GPM6A: variants seen among roughly 807,000 people sequenced by gnomAD.
GPM6A encodes the protein neuronal membrane glycoprotein M6-a.
A neutral mutation model predicts 32.1 loss-of-function variants in GPM6A; 7 were observed. The ratio of observed to expected loss-of-function variants is 0.22; its 90% CI spans 0.12 to 0.41. The LOEUF (loss-of-function observed/expected upper bound fraction) is 0.41, where lower values mean the gene tolerates loss of function less well. Ranked by LOEUF, GPM6A falls within the 10% of genes least tolerant of loss-of-function variation. The probability of loss-of-function intolerance (pLI) is 1.00; values close to 1 mark genes in which losing one functional copy is unlikely to be tolerated. For synonymous variants in GPM6A, 130 were observed against 123.4 expected (o/e 1.05, Z -0.35); for missense variants, 235 against 347.2 (o/e 0.68, Z 2.57).
chr4:175,883,661 C>G (rs74762611), intron 1 of GPM6A, among the ~76,000 whole-genome samples: 55 of 152,018 alleles, frequency 3.6e-4, no homozygotes, highest in African/African-American at 1.3e-3. Context: ...CTTTAATATC[C>G]GCAATATTGA....
At chr4:175,928,512 C>A (rs1025775684) in intron 1 of GPM6A, among the ~76,000 whole-genome samples, 2 of 152,072 alleles carry the variant, frequency 1.3e-5, no homozygotes, top group Non-Finnish European at 2.9e-5. Flanking sequence ...ACTTCTCCAG[C>A]CAAAAATAAG....
chr4:175,700,047 G>A (rs1579399876), intron 2 of GPM6A, among the ~76,000 whole-genome samples: 2 of 151,856 alleles, frequency 1.3e-5, no homozygotes, highest in East Asian at 3.9e-4. Flanking sequence ...ATTTTTAGTA[G>A]AGACGGGATT....
At chr4:175,856,877 G>C (rs555297515) in intron 1 of GPM6A, among the ~76,000 whole-genome samples, 1 of 152,236 alleles carries the variant, frequency 6.6e-6, no homozygotes, top group South Asian at 2.1e-4. Context: ...TGGGAGGTCA[G>C]AGTGGTTTTG....
chr4:175,638,160 T>C (rs1740925325), intron 6 of GPM6A, among the ~76,000 whole-genome samples: 2 of 150,962 alleles, frequency 1.3e-5, no homozygotes, highest in African/African-American at 4.9e-5. Context: ...TCTTAAGAAA[T>C]ATTATTAATA....
At chr4:175,700,083 G>A (rs1321821660) in intron 2 of GPM6A, among the ~76,000 whole-genome samples, 1 of 151,600 alleles carries the variant, frequency 6.6e-6, no homozygotes, top group Non-Finnish European at 1.5e-5. Flanking sequence ...GGCTGGTCTC[G>A]AACTCCTGGC....
chr4:175,768,993 G>C (rs1174322524), intron 1 of GPM6A, among the ~76,000 whole-genome samples: 2 of 152,082 alleles, frequency 1.3e-5, no homozygotes, highest in African/African-American at 4.8e-5. Flanking sequence ...TATTCAGGAG[G>C]CTGAGGCAGG....
chr4:175,889,287 T>C (rs941893669), intron 1 of GPM6A, among the ~76,000 whole-genome samples: 6 of 152,120 alleles, frequency 3.9e-5, no homozygotes, highest in Non-Finnish European at 8.8e-5. Context: ...TTTGATCACA[T>C]GCAAGTTTAA....
intron 2 of GPM6A, among the ~76,000 whole-genome samples, chr4:175,677,225 T>C (rs1743421097): frequency 6.6e-6 from 1 of 152,174 alleles, no homozygotes; most frequent in Admixed American, 6.5e-5. Context: ...GAACACATTT[T>C]TGCTATGATA....
intron 1 of GPM6A, among the ~76,000 whole-genome samples, chr4:175,915,283 A>T (rs1386529946): frequency 7.2e-6 from 1 of 139,818 alleles, no homozygotes. Flanking sequence ...CCTTAATTAA[A>T]AAGGATTTTT....
At chr4:175,921,462 T>C (rs187128078) in intron 1 of GPM6A, among the ~76,000 whole-genome samples, 1 of 152,052 alleles carries the variant, frequency 6.6e-6, no homozygotes, top group Admixed American at 6.6e-5. Flanking sequence ...ATCAGAGTCT[T>C]TAAGTAAATC....
intron 1 of GPM6A, among the ~76,000 whole-genome samples, chr4:175,835,873 G>A (rs1447784135): frequency 6.6e-6 from 1 of 150,490 alleles, no homozygotes; most frequent in African/African-American, 2.4e-5. Flanking sequence ...TTGAAAAATA[G>A]GGGCTTTCAG....
chr4:175,862,725 T>C (rs1185777960), intron 1 of GPM6A, among the ~76,000 whole-genome samples: 5 of 151,834 alleles, frequency 3.3e-5, no homozygotes, highest in African/African-American at 9.7e-5. Flanking sequence ...CAAGGTTTTA[T>C]GTTTTTGTCT....
intron 1 of GPM6A, among the ~76,000 whole-genome samples, chr4:175,890,498 ATTTTATTTT>A (rs1488041771): frequency 1.3e-5 from 1 of 78,622 alleles, no homozygotes; most frequent in African/African-American, 6.0e-5. Flanking sequence ...ATTTTATTTT[ATTTTATTTT>A]ATTTTATTTT....
chr4:175,897,025 A>G (rs887818311), intron 1 of GPM6A, among the ~76,000 whole-genome samples: 2 of 152,106 alleles, frequency 1.3e-5, no homozygotes, highest in African/African-American at 4.8e-5. Flanking sequence ...TCAGGGCCCA[A>G]CATAGAAAAC....
chr4:175,994,540 G>A lies in GPM6A; in HGVS notation c.-23+7769C>T, dbSNP rs898638327. Among the ~76,000 whole-genome samples, 5 of 152,118 alleles carry A rather than the reference G, an allele frequency of 3.3e-5. No individual in the cohort carries two copies. The South Asian group carries it at 8.3e-4, about 25-fold the overall frequency. On this transcript the variant is annotated intron_variant, in intron 1 of 7. Transcript: ENST00000280187. Reference sequence around the variant, plus strand: ...GCATTATGTCTAAAAAAAACCCAATGTATATACCTTAATTTTAAAATACTT... The same window carrying A: ...GCATTATGTCTAAAAAAAACCCAATATATATACCTTAATTTTAAAATACTT...
Position 175,991,630 on chromosome 4 carries a change from A to G in GPM6A, c.-23+10679T>C, listed in dbSNP as rs191131356. On this transcript the variant is annotated intron_variant, in intron 1 of 7. Coordinates refer to the GPM6A transcript ENST00000280187. ...ATCTACTAAATATAATGTGTCTTCA[A>G]AATATTTTGAAAGCACAATTCCATT... Among the ~76,000 whole-genome samples the G allele has an allele frequency of 2.6e-5, 4 of 152,286 alleles. No homozygotes were observed. The East Asian group carries it at 7.7e-4, about 29-fold the overall frequency.
intron 3 of GPM6A, among the ~76,000 whole-genome samples, chr4:175,666,643 TTAA>T (rs1296675458): frequency 1.3e-5 from 2 of 152,216 alleles, no homozygotes; most frequent in African/African-American, 4.8e-5. Flanking sequence ...GTGGTCTATT[TTAA>T]TAATAACTAT....
intron 1 of GPM6A, among the ~76,000 whole-genome samples, chr4:175,898,151 T>C (rs1293777223): frequency 1.1e-4 from 16 of 152,202 alleles, no homozygotes; most frequent in Non-Finnish European, 1.9e-4. Flanking sequence ...TGCAACTGAT[T>C]TCTCCATACC....
intron 1 of GPM6A, among the ~76,000 whole-genome samples, chr4:175,821,956 C>T: frequency 6.6e-6 from 1 of 151,794 alleles, no homozygotes; most frequent in East Asian, 1.9e-4. Context: ...TCTAGGGTCC[C>T]CAACACAGTG....
Sources: gnomAD v4.1 joint callset for allele counts (sites outside exome capture counted in the v4.1 genomes callset) on GRCh38, gnomAD v4.1.1 for gene constraint, MANE v1.5 for transcripts, NCBI Gene and HGNC (gene_info 2026-07-23, HGNC 2026-07-21) for gene names.